Variants in PPM1G observed in about 807,000 individuals in gnomAD.
The protein encoded by PPM1G is protein phosphatase, Mg2+/Mn2+ dependent 1G.
In PPM1G, 12 loss-of-function variants were observed where a neutral mutation model predicts 59.4. The ratio of observed to expected loss-of-function variants is 0.20; its 90% CI spans 0.13 to 0.33. The LOEUF (loss-of-function observed/expected upper bound fraction) is 0.33. Among genes scored for constraint, PPM1G ranks in the 10% least tolerant of loss-of-function variants. The probability of loss-of-function intolerance (pLI) is 1.00; values close to 1 mark genes in which losing one functional copy is unlikely to be tolerated. For synonymous variants in PPM1G, 245 were observed against 251.9 expected (o/e 0.97, Z 0.26); for missense variants, 392 against 681.3 (o/e 0.58, Z 4.73).
chr2:27,391,728 TTTTC>T (rs976349570), intron 1 of PPM1G, among the ~76,000 whole-genome samples: 34 of 151,934 alleles, frequency 2.2e-4, no homozygotes, highest in East Asian at 1.4e-3. Context: ...GATGTTCTTT[TTTTC>T]TTTCTTTTTT....
intron 1 of PPM1G, among the ~76,000 whole-genome samples, chr2:27,391,456 T>G (rs968462374): frequency 6.6e-6 from 1 of 152,242 alleles, no homozygotes; most frequent in African/African-American, 2.4e-5. Flanking sequence ...TTTTTCATGT[T>G]TGTGGGCCAC....
Position 27,385,944 on chromosome 2 carries a change from C to A in PPM1G, c.277-65G>T. 1 of 1,528,158 alleles carries A rather than the reference C, an allele frequency of 6.5e-7. No individual in the cohort carries two copies. Among genetic ancestry groups the A allele is most frequent in the Non-Finnish European group, 8.8e-7 (1 of 1,133,400 alleles). The allele number at this position is 1,528,158 out of a possible 1,614,324, so 94.7% of individuals were successfully genotyped here. A position where few individuals can be genotyped will look rare whatever the true frequency, so the allele number is the denominator to read the frequency against. On this transcript the variant is annotated intron_variant, in intron 3 of 9. Transcript: ENST00000344034. The surrounding 1 kb of genome is among the most constrained non-coding windows in gnomAD (Gnocchi z 4.1). The stretch of plus-strand genomic sequence containing the variant: ...AACTCCCTATATACAATCCTGAGCA[C>A]AAGGATGGAATACAAATTAAGAGTG...
chr2:27,399,654 C>T (rs1684138718), intron 1 of PPM1G, among the ~76,000 whole-genome samples: 1 of 152,064 alleles, frequency 6.6e-6, no homozygotes, highest in Admixed American at 6.6e-5. Flanking sequence ...AGCCATTTAG[C>T]CATCAGAGAA....
At chr2:27,403,195 G>A (rs1684225690) in intron 1 of PPM1G, among the ~76,000 whole-genome samples, 1 of 152,208 alleles carries the variant, frequency 6.6e-6, no homozygotes, top group Non-Finnish European at 1.5e-5. Context: ...TGTAATTCCA[G>A]CACTTTGGGA....
chr2:27,391,613 T>C (rs1396311559), intron 1 of PPM1G, among the ~76,000 whole-genome samples: 1 of 152,220 alleles, frequency 6.6e-6, no homozygotes, highest in Non-Finnish European at 1.5e-5. Flanking sequence ...TCCCATTCTA[T>C]AGGTTGTTTA....
Position 27,386,526 on chromosome 2 carries a change from A to G in PPM1G, c.191-247T>C, listed in dbSNP as rs952089707. 6.8e-6 allele frequency: 2 copies of G among 294,368 alleles called. 1 individual carries two copies. The highest frequency in any genetic ancestry group is 1.1e-4 in the South Asian group (2 of 18,006). 18.2% of individuals were successfully genotyped at this position (294,368 alleles called of 1,614,324 possible). A position where few individuals can be genotyped will look rare whatever the true frequency, so the allele number is the denominator to read the frequency against. ...CCTGTATACTTAGTTCTCCAGTGAAAAAAAGATAAAGAATCAGCTCAACTG... is the reference window on the plus strand; with the variant it reads ...CCTGTATACTTAGTTCTCCAGTGAAGAAAAGATAAAGAATCAGCTCAACTG... On this transcript the variant is annotated intron_variant, in intron 2 of 9. Transcript: ENST00000344034.
At chr2:27,395,906 A>G (rs1684041176) in intron 1 of PPM1G, among the ~76,000 whole-genome samples, 1 of 152,142 alleles carries the variant, frequency 6.6e-6, no homozygotes, top group African/African-American at 2.4e-5. Context: ...AACAACTGCT[A>G]GCAAGGATGT....
At chr2:27,408,463 C>T (rs1487752077) in intron 1 of PPM1G, among the ~76,000 whole-genome samples, 1 of 152,080 alleles carries the variant, frequency 6.6e-6, no homozygotes, top group African/African-American at 2.4e-5. Context: ...TACTACTTTC[C>T]CCCCAATATT....
intron 3 of PPM1G, 92 bp downstream of exon 3, chr2:27,386,102 G>T: frequency 7.6e-7 from 1 of 1,309,906 alleles, no homozygotes; most frequent in Non-Finnish European, 1.1e-6. Flanking sequence ...AGCAGCAGCA[G>T]CTAGAGGACA....
chr2:27,384,286 C>T lies in PPM1G; in HGVS notation c.826-194G>A, dbSNP rs1177955703. Among the ~76,000 whole-genome samples the T allele has an allele frequency of 6.6e-6, 1 of 152,248 alleles. No homozygotes were observed. The highest frequency in any genetic ancestry group is 2.4e-5 in the African/African-American group (1 of 41,462). ...AACTGACATCCTGAACTGGGCTTAG[C>T]AGTCACTAGCAAAAAGCCCAGGACA... On this transcript the variant is annotated intron_variant, in intron 5 of 9. Transcript: ENST00000344034. This position sits in a 1 kb window ranked among gnomAD's most constrained non-coding sequence, Gnocchi z 4.8.
At chr2:27,409,240 GCTCT>G (rs1663456344) in intron 1 of PPM1G, 59 bp downstream of exon 1, 1 of 1,507,162 alleles carries the variant, frequency 6.6e-7, no homozygotes, top group South Asian at 1.2e-5. Flanking sequence ...CCCATCCCCC[GCTCT>G]CTTTCTCCGT....
At chr2:27,402,196 A>G (rs1224394416) in intron 1 of PPM1G, among the ~76,000 whole-genome samples, 2 of 152,216 alleles carry the variant, frequency 1.3e-5, no homozygotes, top group Non-Finnish European at 2.9e-5. Flanking sequence ...CTACACTGAA[A>G]TCATACTCTG....
At chr2:27,404,434 C>T (rs1663289993) in intron 1 of PPM1G, among the ~76,000 whole-genome samples, 1 of 151,732 alleles carries the variant, frequency 6.6e-6, no homozygotes, top group Non-Finnish European at 1.5e-5. Flanking sequence ...CCTGTAATCC[C>T]AGCTATTTGG....
intron 1 of PPM1G, among the ~76,000 whole-genome samples, chr2:27,408,266 T>A (rs1236752582): frequency 6.6e-6 from 1 of 152,180 alleles, no homozygotes; most frequent in Non-Finnish European, 1.5e-5. Flanking sequence ...AGTATTTCGC[T>A]GTTACCTGAA....
At chr2:27,404,436 G>A (rs1311734707) in intron 1 of PPM1G, among the ~76,000 whole-genome samples, 1 of 151,712 alleles carries the variant, frequency 6.6e-6, no homozygotes, top group Non-Finnish European at 1.5e-5. Flanking sequence ...TGTAATCCCA[G>A]CTATTTGGAA....
chr2:27,406,491 A>G (rs1663364205), intron 1 of PPM1G, among the ~76,000 whole-genome samples: 1 of 152,230 alleles, frequency 6.6e-6, no homozygotes, highest in Non-Finnish European at 1.5e-5. Flanking sequence ...TATTCAAACA[A>G]GGGCAACTTC....
chr2:27,381,658 T>C lies in PPM1G; in HGVS notation c.1582A>G (p.Thr528Ala), dbSNP rs11551140. The change falls in exon 10 of 10, where the codon ACT (threonine) becomes GCT (alanine). Residue 528 changes from threonine to alanine, a missense_variant. By Grantham distance (58) the Thr-to-Ala change is moderately conservative (BLOSUM62 0). Transcript: ENST00000344034. ...GKRKLEEVLS[T>A]EGAEENGNSD... is the part of the protein sequence containing the mutation. ...TTGCCATTTTCTTCAGCCCCCTCAG[T>C]AGAGAGCACCTCCTCTAGTTTTCGC... 6.2e-7 allele frequency: 1 copy of C among 1,614,058 alleles called. No homozygotes were observed. Among genetic ancestry groups the C allele is most frequent in the Non-Finnish European group, 8.5e-7 (1 of 1,180,016 alleles).
chr2:27,393,471 C>A, intron 1 of PPM1G: 1 of 789,192 alleles, frequency 1.3e-6, no homozygotes, highest in Non-Finnish European at 2.1e-6. Context: ...GAAGAGGTGA[C>A]GGAGGGCTGG....
chr2:27,383,281 C>G lies in PPM1G; in HGVS notation c.1201+85G>C. On this transcript the variant is annotated intron_variant, in intron 7 of 9. Coordinates refer to ENST00000344034, the MANE Select transcript of PPM1G (RefSeq NM_177983.3). This position sits in a 1 kb window ranked among gnomAD's most constrained non-coding sequence, Gnocchi z 5.0. ...ATTAAAGTGCTTTGAAAGGCACAAG[C>G]ACTAGGAAGATTAAAGTTTGCTACT... The G allele has an allele frequency of 4.9e-6, 6 of 1,219,322 alleles. No homozygotes were observed. Among genetic ancestry groups the G allele is most frequent in the Non-Finnish European group, 7.2e-6 (6 of 837,238 alleles). 75.5% of individuals were successfully genotyped at this position (1,219,322 alleles called of 1,614,324 possible). A position where few individuals can be genotyped will look rare whatever the true frequency, so the allele number is the denominator to read the frequency against.
Sources: gnomAD v4.1 joint callset for allele counts (sites outside exome capture counted in the v4.1 genomes callset) on GRCh38, gnomAD v4.1.1 for gene constraint, Gnocchi (gnomAD v3.1) non-coding constraint, MANE v1.5 for transcripts, NCBI Gene and HGNC (gene_info 2026-07-23, HGNC 2026-07-21) for gene names.